SLC25A48: variants seen among roughly 807,000 people sequenced by gnomAD.
SLC25A48 encodes the protein CTC-321K16.1.
A neutral mutation model predicts 32.2 loss-of-function variants in SLC25A48; 29 were observed. That is an observed-to-expected ratio of 0.90 (90% CI 0.67 to 1.23). The LOEUF (loss-of-function observed/expected upper bound fraction) is 1.23. Ranked by LOEUF, SLC25A48 falls within the 50% of genes most tolerant of loss-of-function variation. The pLI is 0.00. For synonymous variants in SLC25A48, 164 were observed against 172.3 expected (o/e 0.95, Z 0.38); for missense variants, 399 against 422.7 (o/e 0.94, Z 0.49).
In SLC25A48 at chr5:135,782,184, G is replaced by A. The variant is rs750229968; in HGVS notation, c.-520-30339G>A. Reference sequence around the variant, plus strand: ...GGGAGACGATATTATTCCCAATATCGCAGGAAGTCTCCACCCTTCTTGTGA... The same window carrying A: ...GGGAGACGATATTATTCCCAATATCACAGGAAGTCTCCACCCTTCTTGTGA... On this transcript the variant is annotated intron_variant, in intron 3 of 10. Coordinates refer to the SLC25A48 transcript ENST00000646290. Among the ~76,000 whole-genome samples the A allele has an allele frequency of 2.6e-5, 3 of 115,276 alleles. 1 individual carries two copies. The highest frequency in any genetic ancestry group is 4.3e-5 in the Non-Finnish European group (2 of 46,630). 75.6% of individuals were successfully genotyped at this position (115,276 alleles called of 152,430 possible).
intron 1 of SLC25A48, chr5:135,835,139 G>A (rs751885282): frequency 7.2e-6 from 5 of 693,286 alleles, no homozygotes; most frequent in South Asian, 6.0e-5. Flanking sequence ...AGGATCCGTG[G>A]GACTTGATGA....
intron 3 of SLC25A48, among the ~76,000 whole-genome samples, chr5:135,779,731 A>G (rs1262676446): frequency 8.5e-6 from 1 of 117,592 alleles, no homozygotes; most frequent in Non-Finnish European, 2.1e-5. Flanking sequence ...TATTAATCCC[A>G]ATATCTCAGG....
At chr5:135,879,811 G>A (rs1372506357) in intron 6 of SLC25A48, among the ~76,000 whole-genome samples, 157 bp from the exon 7 acceptor site, 1 of 152,204 alleles carries the variant, frequency 6.6e-6, no homozygotes, top group African/African-American at 2.4e-5. Flanking sequence ...GCATGACTGG[G>A]ACTTCCCTGT....
At chr5:135,807,103 T>C (rs1403459140) in intron 3 of SLC25A48, among the ~76,000 whole-genome samples, 1 of 150,694 alleles carries the variant, frequency 6.6e-6, no homozygotes, top group East Asian at 2.0e-4. Context: ...CACTGTGTTT[T>C]AACTCTAGAT....
intron 7 of SLC25A48, among the ~76,000 whole-genome samples, chr5:135,881,947 C>T (rs1471316278): frequency 6.6e-6 from 1 of 152,236 alleles, no homozygotes; most frequent in Non-Finnish European, 1.5e-5. Context: ...CCTCCCAGAT[C>T]CCAGAGTGGC....
intron 3 of SLC25A48, among the ~76,000 whole-genome samples, chr5:135,706,150 A>G (rs961192473): frequency 2.0e-5 from 3 of 152,162 alleles, no homozygotes; most frequent in African/African-American, 7.2e-5. Flanking sequence ...CTGGGTAAAC[A>G]TAGCCTTTCT....
chr5:135,635,473 A>T lies in SLC25A48; in HGVS notation c.-521+517A>T, dbSNP rs548433777. 2.6e-5 allele frequency among the ~76,000 whole-genome samples: 4 copies of T among 152,322 alleles called. No homozygotes were observed. In the East Asian group the frequency reaches 7.7e-4, roughly 29 times the overall value. On this transcript the variant is annotated intron_variant, in intron 3 of 10. Coordinates refer to the SLC25A48 transcript ENST00000646290. ...CATGGGACCTCTGTCTCCAGCTGGGATAAGAGATGTTTTGAAACCTTGGCA... is the reference window on the plus strand; with the variant it reads ...CATGGGACCTCTGTCTCCAGCTGGGTTAAGAGATGTTTTGAAACCTTGGCA...
chr5:135,755,477 TATC>T lies in SLC25A48; in HGVS notation c.-520-57043_-520-57041del, dbSNP rs749598797. Among the ~76,000 whole-genome samples the T allele has an allele frequency of 2.0e-4, 30 of 152,110 alleles. No individual in the cohort carries two copies. In the East Asian group the frequency reaches 4.0e-3, roughly 21 times the overall value. ...ATTAAGTAAATATTGCTGTGATACT[TATC>T]ATATCATATCTAGTGTTGATGCGCT... On this transcript the variant is annotated intron_variant, in intron 3 of 10. Transcript: ENST00000646290.
intron 4 of SLC25A48, among the ~76,000 whole-genome samples, chr5:135,868,784 A>G (rs1174408807): frequency 6.6e-6 from 1 of 152,210 alleles, no homozygotes; most frequent in Non-Finnish European, 1.5e-5. Context: ...AAGGTTTGAC[A>G]GGTGTTTTTG....
chr5:135,870,376 A>T (rs945158483), intron 4 of SLC25A48, among the ~76,000 whole-genome samples: 1 of 152,208 alleles, frequency 6.6e-6, no homozygotes, highest in Non-Finnish European at 1.5e-5. Context: ...GTAGAGAAGG[A>T]TCCATAGCAG....
At chr5:135,855,211 CAT>C (rs1279975669) in intron 4 of SLC25A48, among the ~76,000 whole-genome samples, 2 of 152,186 alleles carry the variant, frequency 1.3e-5, no homozygotes, top group Admixed American at 1.3e-4. Context: ...GAAGTGAGCA[CAT>C]ACTGTTAGAC....
At chr5:135,840,534 CA>C (rs1758904299) in intron 1 of SLC25A48, among the ~76,000 whole-genome samples, 1 of 152,142 alleles carries the variant, frequency 6.6e-6, no homozygotes, top group Admixed American at 6.5e-5. Context: ...TTCTCATGAC[CA>C]AAGAAGATGC....
intron 7 of SLC25A48, among the ~76,000 whole-genome samples, chr5:135,886,337 G>T (rs949133391): frequency 7.8e-6 from 1 of 127,656 alleles, no homozygotes; most frequent in Non-Finnish European, 1.6e-5. Flanking sequence ...GGCAGACAAT[G>T]CCTCAGCACA....
intron 1 of SLC25A48, among the ~76,000 whole-genome samples, chr5:135,627,871 A>G (rs1002266856): frequency 6.6e-6 from 1 of 152,114 alleles, no homozygotes. Context: ...CTCCTTTAAC[A>G]TTTGTGGAGC....
intron 1 of SLC25A48, among the ~76,000 whole-genome samples, chr5:135,583,795 C>T (rs116430359): frequency 0.013 from 1,937 of 152,258 alleles, 46 homozygotes; most frequent in African/African-American, 0.044. Flanking sequence ...GCTCTGAATC[C>T]AAGCCTGGCG....
intron 3 of SLC25A48, chr5:135,671,842 C>T (rs1460436575): frequency 6.6e-6 from 1 of 152,094 alleles, no homozygotes; most frequent in African/African-American, 2.4e-5. Context: ...CAACAGAAGG[C>T]ATTAAGTTCC....
intron 3 of SLC25A48, among the ~76,000 whole-genome samples, chr5:135,733,526 A>G (rs1471052410): frequency 1.3e-5 from 2 of 152,218 alleles, no homozygotes; most frequent in African/African-American, 4.8e-5. Flanking sequence ...TAGATTTTGG[A>G]AGTTATGAGA....
chr5:135,632,163 G>A (rs1188873239), intron 2 of SLC25A48, among the ~76,000 whole-genome samples: 1 of 152,224 alleles, frequency 6.6e-6, no homozygotes, highest in African/African-American at 2.4e-5. Flanking sequence ...CAAGATGACT[G>A]GGTCATAGAA....
At chr5:135,886,596 T>G (rs1234682856) in intron 7 of SLC25A48, among the ~76,000 whole-genome samples, 3 of 14,062 alleles carry the variant, frequency 2.1e-4, no homozygotes, top group African/African-American at 1.5e-3. Context: ...CAAATATATA[T>G]ATATATATAT....
Sources: allele counts gnomAD v4.1 joint callset (sites outside exome capture counted in the v4.1 genomes callset), GRCh38; gene constraint gnomAD v4.1.1; transcripts MANE v1.5; gene names NCBI Gene and HGNC (gene_info 2026-07-23, HGNC 2026-07-21).